The following KMT2A variants were observed in gnomAD, a reference collection of about 807,000 sequenced individuals.
KMT2A encodes the protein lysine methyltransferase 2A.
In KMT2A, 16 loss-of-function variants were observed where a neutral mutation model predicts 345.3. The observed-to-expected ratio is 0.05, with a 90% CI of 0.03 to 0.07. KMT2A has a LOEUF of 0.07. Ranked by LOEUF, KMT2A falls within the 10% of genes least tolerant of loss-of-function variation. The pLI is 1.00. For missense variants in KMT2A, 3,272 were observed against 4,841.6 expected (o/e 0.68, Z 9.62); for synonymous variants, 1,599 against 1,778.6 (o/e 0.90, Z 2.54).
chr11:118,483,511 T>A (rs1950178424), intron 8 of KMT2A, among the ~76,000 whole-genome samples: 1 of 152,166 alleles, frequency 6.6e-6, no homozygotes, highest in Non-Finnish European at 1.5e-5. Flanking sequence ...CCAGCTTGGG[T>A]GACACCGAGA....
chr11:118,466,898 A>C (rs1949854226), intron 1 of KMT2A, among the ~76,000 whole-genome samples: 1 of 152,142 alleles, frequency 6.6e-6, no homozygotes, highest in Non-Finnish European at 1.5e-5. Context: ...GAAACTGTAA[A>C]AAGTACTCCA....
Position 118,484,035 on chromosome 11 carries a change from T to TAA in KMT2A, c.4087-140_4087-139dup. 1.2e-6 allele frequency: 1 copy of TAA among 812,304 alleles called. No individual in the cohort carries two copies. Among genetic ancestry groups the TAA allele is most frequent in the Non-Finnish European group, 1.9e-6 (1 of 531,104 alleles). The allele number at this position is 812,304 out of a possible 1,614,324, so 50.3% of individuals were successfully genotyped here. ...CAACAAAGCAAGACCCAGTCTCTTT[T>TAA]AAAAAAAAATTCAAAGATTATTTGT... On this transcript the variant is annotated intron_variant, in intron 8 of 35. Transcript: ENST00000534358. The surrounding 1 kb of genome is among the most constrained non-coding windows in gnomAD (Gnocchi z 4.1).
intron 28 of KMT2A, among the ~76,000 whole-genome samples, chr11:118,508,241 T>C (rs999678492): frequency 2.6e-5 from 4 of 152,226 alleles, no homozygotes; most frequent in African/African-American, 9.6e-5. Flanking sequence ...GTATACACTT[T>C]TTTACATAAA....
In KMT2A at chr11:118,490,016, A is replaced by C; in HGVS notation, c.4576-113A>C. 7.0e-7 allele frequency: 1 copy of C among 1,435,720 alleles called. No individual in the cohort carries two copies. The highest frequency in any genetic ancestry group is 1.2e-5 in the South Asian group (1 of 81,314). The allele number at this position is 1,435,720 out of a possible 1,614,324, so 88.9% of individuals were successfully genotyped here. On this transcript the variant is annotated intron_variant, in intron 12 of 35. Transcript: ENST00000534358. The surrounding 1 kb of genome is among the most constrained non-coding windows in gnomAD (Gnocchi z 4.2). ...AATCTTTTTGCCTCATTACTAGGAAATCATCTCAGCAGAGAAATTAAATCT... is the reference window on the plus strand; with the variant it reads ...AATCTTTTTGCCTCATTACTAGGAACTCATCTCAGCAGAGAAATTAAATCT...
rs1555053404 is a variant in KMT2A, at chr11:118,521,094, G to C, written c.11514-194G>C. The stretch of plus-strand genomic sequence containing the variant: ...GCATTAAAATATTACTGCTTCCAGC[G>C]GGTCACAGAATGGAAATAACTTTCA... On this transcript the variant is annotated intron_variant, in intron 34 of 35. Coordinates refer to ENST00000534358, the MANE Select transcript of KMT2A (RefSeq NM_001197104.2). The surrounding 1 kb of genome is among the most constrained non-coding windows in gnomAD (Gnocchi z 5.3). 1.5e-6 allele frequency: 1 copy of C among 667,480 alleles called. No homozygotes were observed. The highest frequency in any genetic ancestry group is 1.8e-5 in the African/African-American group (1 of 54,964). 41.3% of individuals were successfully genotyped at this position (667,480 alleles called of 1,614,324 possible).
At chr11:118,450,887 T>G (rs1363410286) in intron 1 of KMT2A, 1 of 152,236 alleles carries the variant, frequency 6.6e-6, no homozygotes. Context: ...TGCCCCTTGA[T>G]GTCTGTGTAT....
chr11:118,475,899 C>G (rs966995346), intron 3 of KMT2A, among the ~76,000 whole-genome samples: 5 of 151,942 alleles, frequency 3.3e-5, no homozygotes, highest in Non-Finnish European at 7.4e-5. Flanking sequence ...TCTTTTGGAG[C>G]CTTTTATACT....
intron 1 of KMT2A, among the ~76,000 whole-genome samples, chr11:118,456,798 C>G (rs1431622246): frequency 2.0e-5 from 3 of 152,096 alleles, no homozygotes; most frequent in Non-Finnish European, 4.4e-5. Flanking sequence ...ATCATTATAC[C>G]CTTTAGACAA....
chr11:118,518,763 C>T (rs1447831419), intron 31 of KMT2A, among the ~76,000 whole-genome samples: 2 of 114,694 alleles, frequency 1.7e-5, no homozygotes, highest in East Asian at 2.5e-4. Flanking sequence ...GCCTGGGTGA[C>T]GGAGTTAGAG....
intron 1 of KMT2A, chr11:118,450,127 G>C (rs1317195609): frequency 6.6e-6 from 1 of 151,988 alleles, no homozygotes; most frequent in Non-Finnish European, 1.5e-5. Context: ...AGTTAAGTGG[G>C]CTTATTTTTT....
At chr11:118,507,442 T>G in intron 27 of KMT2A, 87 bp from the exon 28 acceptor site, 2 of 1,146,392 alleles carry the variant, frequency 1.7e-6, no homozygotes, top group Non-Finnish European at 2.6e-6. Context: ...CAGATCCTGA[T>G]AGAGCCATTT....
At position 118,502,412 on chromosome 11, in the gene KMT2A, A is replaced by T; in HGVS notation, c.6520A>T (p.Thr2174Ser). The stretch of plus-strand genomic sequence containing the variant: ...CTCTTGTTTAGGAAGTCCTACCCCA[A>T]CCACTCATGAAATAGTCACAGTAGG... ...PLPSAGSPTP[T>S]THEIVTVGDP... The change falls in exon 27 of 36, where the codon ACC becomes TCC. Residue 2174 changes from threonine to serine, a missense_variant. By Grantham distance (58) the Thr-to-Ser change is moderately conservative. Around this residue, in one of 27 missense-constraint regions of KMT2A, gnomAD observed 14 missense variants for 38.4 expected, o/e 0.36. Coordinates refer to ENST00000534358, the MANE Select transcript of KMT2A (RefSeq NM_001197104.2). The surrounding 1 kb of genome is among the most constrained non-coding windows in gnomAD (Gnocchi z 4.9). The T allele has an allele frequency of 6.2e-7, 1 of 1,600,224 alleles. No homozygotes were observed. Among genetic ancestry groups the T allele is most frequent in the Non-Finnish European group, 8.5e-7 (1 of 1,172,350 alleles).
chr11:118,499,513 G>C (rs1950464697), intron 23 of KMT2A, 93 bp downstream of exon 23: 1 of 851,816 alleles, frequency 1.2e-6, no homozygotes, highest in Non-Finnish European at 2.0e-6. Context: ...GCCAGGTGTG[G>C]TGTCTCACGC....
intron 1 of KMT2A, among the ~76,000 whole-genome samples, chr11:118,451,207 CTTTTTTT>C (rs1167567348): frequency 1.7e-5 from 2 of 121,012 alleles, no homozygotes; most frequent in African/African-American, 6.1e-5. Flanking sequence ...CTATCTAATT[CTTTTTTT>C]TTTTTTTTTT....
rs1049899084 is a variant in KMT2A, at chr11:118,520,189, A to C, written c.11429+125A>C. ...ATAAGATTTAAAAGGACTGAAAACC[A>C]TTTGTGTTGAAGTAGCAGTAGGTGC... On this transcript the variant is annotated intron_variant, in intron 33 of 35. Transcript: ENST00000534358. The surrounding 1 kb of genome is among the most constrained non-coding windows in gnomAD (Gnocchi z 4.3). 10 of 667,616 alleles carry C rather than the reference A, an allele frequency of 1.5e-5. No individual in the cohort carries two copies. The highest frequency in any genetic ancestry group is 2.3e-5 in the Non-Finnish European group (9 of 386,580). The allele number at this position is 667,616 out of a possible 1,614,324, so 41.4% of individuals were successfully genotyped here. A position where few individuals can be genotyped will look rare whatever the true frequency, so the allele number is the denominator to read the frequency against.
At position 118,521,231 on chromosome 11, in the gene KMT2A, C is replaced by G; in HGVS notation, c.11514-57C>G. The G allele has an allele frequency of 6.3e-7, 1 of 1,577,304 alleles. No homozygotes were observed. Among genetic ancestry groups the G allele is most frequent in the Non-Finnish European group, 8.7e-7 (1 of 1,151,054 alleles). ...CCAGGAGAACTTATTCATGTATTCA[C>G]GCACTTAACCTTACTTGCAAAATTT... is the stretch of plus-strand genomic sequence containing the variant. On this transcript the variant is annotated intron_variant, in intron 34 of 35. Transcript: ENST00000534358. This position sits in a 1 kb window ranked among gnomAD's most constrained non-coding sequence, Gnocchi z 5.3.
At chr11:118,482,577 T>C in intron 8 of KMT2A, 82 bp downstream of exon 8, 2 of 969,152 alleles carry the variant, frequency 2.1e-6, no homozygotes, top group Non-Finnish European at 3.2e-6. Flanking sequence ...GACTTCTATG[T>C]AGATGGCAGT....
At chr11:118,439,246 G>A in intron 1 of KMT2A, 1 of 369,082 alleles carries the variant, frequency 2.7e-6, no homozygotes. Flanking sequence ...GTTATATGTA[G>A]CATTTTAGCC....
chr11:118,453,553 C>T (rs1320426651), intron 1 of KMT2A, among the ~76,000 whole-genome samples: 1 of 152,216 alleles, frequency 6.6e-6, no homozygotes, highest in East Asian at 1.9e-4. Flanking sequence ...TCTACACACT[C>T]TTCCTAGGTC....
Sources: allele counts gnomAD v4.1 joint callset (sites outside exome capture counted in the v4.1 genomes callset), GRCh38; gene constraint gnomAD v4.1.1; regional missense constraint gnomAD v4.1.1; non-coding constraint Gnocchi (gnomAD v3.1); transcripts MANE v1.5; gene names NCBI Gene and HGNC (gene_info 2026-07-23, HGNC 2026-07-21).